The following DDAH1 variants were observed in gnomAD, a reference collection of about 807,000 sequenced individuals.
DDAH1 encodes N(G),N(G)-dimethylarginine dimethylaminohydrolase 1.
A neutral mutation model predicts 28.8 loss-of-function variants in DDAH1; 19 were observed. The ratio of observed to expected loss-of-function variants is 0.66; its 90% CI spans 0.46 to 0.97. DDAH1 has a LOEUF of 0.97. DDAH1 is among the 50% of genes least tolerant of loss of function. The pLI, the probability that DDAH1 is intolerant of heterozygous loss-of-function variation, is 0.00. For missense variants in DDAH1, 326 were observed against 375.9 expected (o/e 0.87, Z 1.10); for synonymous variants, 153 against 154.4 (o/e 0.99, Z 0.07).
chr1:85,451,586 T>C (rs913625838), intron 1 of DDAH1, among the ~76,000 whole-genome samples: 1 of 151,966 alleles, frequency 6.6e-6, no homozygotes, highest in African/African-American at 2.4e-5. Context: ...TCAGGGCACA[T>C]GGAAAGGAAG....
At chr1:85,571,134 C>T (rs577644000) in intron 1 of DDAH1, among the ~76,000 whole-genome samples, 6 of 152,146 alleles carry the variant, frequency 3.9e-5, no homozygotes, top group South Asian at 2.1e-4. Flanking sequence ...ACCTGTAAGG[C>T]GTTTGGCCCA....
chr1:85,482,972 C>T (rs1656060992), intron 2 of DDAH1, among the ~76,000 whole-genome samples: 1 of 152,114 alleles, frequency 6.6e-6, no homozygotes, highest in South Asian at 2.1e-4. Context: ...CGCCTGTAAT[C>T]CCAACACTTT....
At chr1:85,518,058 A>T (rs1051438270) in intron 1 of DDAH1, among the ~76,000 whole-genome samples, 1 of 152,240 alleles carries the variant, frequency 6.6e-6, no homozygotes, top group African/African-American at 2.4e-5. Flanking sequence ...TTTAGAACAG[A>T]TGTGTGGCAC....
chr1:85,479,339 A>G (rs1052279643), intron 2 of DDAH1, among the ~76,000 whole-genome samples: 2 of 145,600 alleles, frequency 1.4e-5, no homozygotes, highest in Non-Finnish European at 3.0e-5. Flanking sequence ...GCGCCCGGCT[A>G]ATTTTTTGTA....
chr1:85,433,967 A>G (rs1275789740), intron 1 of DDAH1, among the ~76,000 whole-genome samples: 1 of 152,152 alleles, frequency 6.6e-6, no homozygotes, highest in East Asian at 1.9e-4. Context: ...GTAGGATTCA[A>G]AAAAATAATT....
intron 5 of DDAH1, 107 bp from the exon 6 acceptor site, chr1:85,321,675 T>TC: frequency 1.1e-6 from 1 of 874,070 alleles, no homozygotes; most frequent in Non-Finnish European, 1.9e-6. Context: ...ATTCATTTAA[T>TC]CCCAAGACAC....
intron 1 of DDAH1, among the ~76,000 whole-genome samples, chr1:85,371,684 C>T (rs1650393578): frequency 6.6e-6 from 1 of 152,144 alleles, no homozygotes; most frequent in African/African-American, 2.4e-5. Flanking sequence ...GTCCAAAATA[C>T]ATTCACACTG....
intron 4 of DDAH1, among the ~76,000 whole-genome samples, chr1:85,326,230 G>A (rs919552787): frequency 2.0e-5 from 3 of 152,152 alleles, no homozygotes; most frequent in Non-Finnish European, 4.4e-5. Flanking sequence ...ATCCCATAAT[G>A]GAATACCCTT....
At chr1:85,455,735 T>C (rs1173497106) in intron 1 of DDAH1, among the ~76,000 whole-genome samples, 1 of 152,170 alleles carries the variant, frequency 6.6e-6, no homozygotes, top group African/African-American at 2.4e-5. Context: ...TGGCAGACAG[T>C]ATGTGGGTCT....
chr1:85,400,558 T>C (rs947998301), intron 1 of DDAH1, among the ~76,000 whole-genome samples: 4 of 152,180 alleles, frequency 2.6e-5, no homozygotes, highest in Non-Finnish European at 5.9e-5. Flanking sequence ...CTTTCTATAA[T>C]ATTGAATTAA....
At chr1:85,408,169 TG>T (rs1652494207) in intron 1 of DDAH1, among the ~76,000 whole-genome samples, 1 of 152,238 alleles carries the variant, frequency 6.6e-6, no homozygotes, top group African/African-American at 2.4e-5. Context: ...ATATACTTCC[TG>T]GTTTCTTTTG....
chr1:85,528,227 TAA>T (rs10599273), intron 1 of DDAH1, among the ~76,000 whole-genome samples: 20,706 of 149,742 alleles, frequency 0.14, 1,483 homozygotes, highest in South Asian at 0.2. Context: ...TAAATGTATA[TAA>T]AAAAAAATTT....
At chr1:85,452,987 A>ATGTGTG (rs1053476578) in intron 1 of DDAH1, among the ~76,000 whole-genome samples, 5 of 151,964 alleles carry the variant, frequency 3.3e-5, no homozygotes, top group Non-Finnish European at 7.4e-5. Context: ...AAACCTGTGT[A>ATGTGTG]TGTGTGTGTG....
intron 1 of DDAH1, among the ~76,000 whole-genome samples, chr1:85,533,279 A>G (rs1392482191): frequency 6.6e-6 from 1 of 152,216 alleles, no homozygotes; most frequent in Non-Finnish European, 1.5e-5. Context: ...TGATTTGGTT[A>G]TATTAAAAGG....
In DDAH1 at chr1:85,440,243, C is replaced by T. The variant is rs576524986; in HGVS notation, c.303+24500G>A. ...TAAGGTACTTTTAATTTTTGTTATA[C>T]TTTTTCCAAATCAACAACATGCTTT... On this transcript the variant is annotated intron_variant, in intron 1 of 5. Transcript: ENST00000284031. 7.3e-4 allele frequency among the ~76,000 whole-genome samples: 111 copies of T among 152,208 alleles called. 1 individual carries two copies. The Middle Eastern group carries it at 0.01, about 14-fold the overall frequency.
intron 1 of DDAH1, among the ~76,000 whole-genome samples, chr1:85,427,260 T>C (rs1653443844): frequency 9.1e-6 from 1 of 110,068 alleles, no homozygotes; most frequent in Admixed American, 1.2e-4. Flanking sequence ...TTTGTTTTTT[T>C]CCAAGTGAGC....
At chr1:85,476,630 T>C (rs142459930) in intron 2 of DDAH1, among the ~76,000 whole-genome samples, 130 of 152,254 alleles carry the variant, frequency 8.5e-4, no homozygotes, top group African/African-American at 3.1e-3. Flanking sequence ...CCGTGCTCTT[T>C]AGGGGCTATG....
chr1:85,398,816 TTGTGAGTAATC>T (rs1343421278), intron 1 of DDAH1: 1 of 152,210 alleles, frequency 6.6e-6, no homozygotes, highest in Admixed American at 6.5e-5. Flanking sequence ...TCCTTAGTTT[TTGTGAGTAATC>T]TGACAGCATG....
At chr1:85,370,781 C>G (rs942406581) in intron 1 of DDAH1, among the ~76,000 whole-genome samples, 4 of 152,042 alleles carry the variant, frequency 2.6e-5, no homozygotes, top group African/African-American at 9.7e-5. Context: ...GATAGGTGTA[C>G]TGATTTCTAA....
Sources: gnomAD v4.1 joint callset for allele counts (sites outside exome capture counted in the v4.1 genomes callset) on GRCh38, gnomAD v4.1.1 for gene constraint, MANE v1.5 for transcripts, NCBI Gene and HGNC (gene_info 2026-07-23, HGNC 2026-07-21) for gene names.